Variants in GLDC observed in about 807,000 individuals in gnomAD.
The protein encoded by GLDC is glycine decarboxylase, also known as glycine dehydrogenase (decarboxylating), mitochondrial.
In GLDC, 104 loss-of-function variants were observed where a neutral mutation model predicts 121.3. The observed-to-expected ratio is 0.86, with a 90% CI of 0.73 to 1.01. GLDC has a LOEUF of 1.01. GLDC is among the 50% of genes least tolerant of loss of function. The pLI is 0.00. For missense variants in GLDC, 1,429 were observed against 1,306.6 expected (o/e 1.09, Z -1.44); for synonymous variants, 546 against 480.6 (o/e 1.14, Z -1.78).
intron 21 of GLDC, among the ~76,000 whole-genome samples, chr9:6,550,065 C>T (rs1028508256): frequency 6.6e-6 from 1 of 152,170 alleles, no homozygotes; most frequent in South Asian, 2.1e-4. Context: ...TGTGTCTCTG[C>T]TTACTCAGGC....
At chr9:6,618,216 T>C (rs1184408258) in intron 3 of GLDC, among the ~76,000 whole-genome samples, 1 of 152,188 alleles carries the variant, frequency 6.6e-6, no homozygotes, top group Non-Finnish European at 1.5e-5. Flanking sequence ...AAATTTCAAC[T>C]CAGTGTTTCT....
At chr9:6,553,263 C>A in intron 20 of GLDC, 105 bp downstream of exon 20, 1 of 1,007,692 alleles carries the variant, frequency 9.9e-7, no homozygotes, top group Non-Finnish European at 1.5e-6. Context: ...CATCTCAGAT[C>A]ATGAATTTAT....
At chr9:6,549,071 G>C (rs1817455737) in intron 21 of GLDC, among the ~76,000 whole-genome samples, 2 of 152,174 alleles carry the variant, frequency 1.3e-5, no homozygotes, top group South Asian at 2.1e-4. Context: ...GCTACCAAAG[G>C]CTTCCTAATT....
At chr9:6,577,541 CTT>C (rs1475852432) in intron 15 of GLDC, among the ~76,000 whole-genome samples, 1 of 152,120 alleles carries the variant, frequency 6.6e-6, no homozygotes. Flanking sequence ...ATAAAAATAT[CTT>C]TTTTGAATTG....
Position 6,553,360 on chromosome 9 carries a change from GGC to G in GLDC, c.2457+6_2457+7del. On this transcript the variant is annotated splice_donor_region_variant and intron_variant, in intron 20 of 24. Coordinates refer to ENST00000321612, the MANE Select transcript of GLDC (RefSeq NM_000170.3). Reference sequence around the variant, plus strand: ...ACCTGCACACCTGCACATACTCCCAGGCCTCACCTTGATATAAGCCCAGGAAA... The same window carrying G: ...ACCTGCACACCTGCACATACTCCCAGCTCACCTTGATATAAGCCCAGGAAA... The G allele has an allele frequency of 1.2e-6, 2 of 1,613,726 alleles. No individual in the cohort carries two copies. The highest frequency in any genetic ancestry group is 1.7e-6 in the Non-Finnish European group (2 of 1,179,810).
At chr9:6,622,319 C>T (rs1186498767) in intron 2 of GLDC, among the ~76,000 whole-genome samples, 1 of 150,616 alleles carries the variant, frequency 6.6e-6, no homozygotes, top group Non-Finnish European at 1.5e-5. Flanking sequence ...CTGCTGCCAT[C>T]TTGGCTCACT....
At chr9:6,627,617 G>A (rs1002473644) in intron 2 of GLDC, among the ~76,000 whole-genome samples, 2 of 152,030 alleles carry the variant, frequency 1.3e-5, no homozygotes, top group Non-Finnish European at 2.9e-5. Flanking sequence ...GGACATTTTC[G>A]AGCCATTAAG....
intron 15 of GLDC, among the ~76,000 whole-genome samples, chr9:6,576,781 C>CA (rs748864034): frequency 3.4e-4 from 52 of 152,180 alleles, no homozygotes; most frequent in Non-Finnish European, 5.9e-4. Context: ...GTTAGGATTT[C>CA]AACAGGTGAA....
chr9:6,565,963 CG>C, intron 15 of GLDC: 1 of 196,158 alleles, frequency 5.1e-6, no homozygotes, highest in Non-Finnish European at 1.1e-5. Context: ...AACTACAGGC[CG>C]GGTGCAATGG....
chr9:6,613,588 A>T, intron 3 of GLDC, among the ~76,000 whole-genome samples: 1 of 152,260 alleles, frequency 6.6e-6, no homozygotes, highest in Non-Finnish European at 1.5e-5. Context: ...GGTATTAAAT[A>T]ACTTATGAAA....
chr9:6,588,493 A>G (rs1270143234), intron 13 of GLDC, 51 bp from the exon 14 acceptor site: 2 of 1,516,602 alleles, frequency 1.3e-6, no homozygotes, highest in Admixed American at 1.7e-5. Flanking sequence ...TCTATAGTCC[A>G]TCAATCAACC....
At chr9:6,605,060 G>C in intron 6 of GLDC, 71 bp downstream of exon 6, 1 of 1,368,460 alleles carries the variant, frequency 7.3e-7, no homozygotes, top group Non-Finnish European at 1.0e-6. Flanking sequence ...AAAAGACAGA[G>C]AGAGAGATAG....
chr9:6,555,880 C>A (rs1329929918), intron 18 of GLDC, among the ~76,000 whole-genome samples: 1 of 152,142 alleles, frequency 6.6e-6, no homozygotes, highest in Non-Finnish European at 1.5e-5. Flanking sequence ...GCAGGGGCTC[C>A]CAACAGCATT....
chr9:6,589,347 G>A, intron 11 of GLDC, 55 bp from the exon 12 acceptor site: 2 of 1,046,746 alleles, frequency 1.9e-6, no homozygotes, highest in South Asian at 1.3e-5. Context: ...AGCCACATGT[G>A]GACATCCAGG....
chr9:6,644,587 T>C, intron 2 of GLDC, 27 bp downstream of exon 2: 2 of 1,509,270 alleles, frequency 1.3e-6, no homozygotes, highest in Non-Finnish European at 1.8e-6. Context: ...ATAATCTAAG[T>C]CCAAGGGAGC....
At chr9:6,555,773 C>G (rs749739613) in intron 18 of GLDC, among the ~76,000 whole-genome samples, 11 of 151,990 alleles carry the variant, frequency 7.2e-5, no homozygotes, top group Non-Finnish European at 1.0e-4. Flanking sequence ...GCCTTGGCGA[C>G]AGAGTGAGAC....
intron 20 of GLDC, among the ~76,000 whole-genome samples, chr9:6,552,069 G>A (rs1346189470): frequency 6.6e-6 from 1 of 152,180 alleles, no homozygotes; most frequent in Non-Finnish European, 1.5e-5. Context: ...AGGAAGCCAC[G>A]AGAGATACGT....
rs190114231 is a variant in GLDC at position 6,624,459 on chromosome 9, C to T, written c.335-4140G>A. Among the ~76,000 whole-genome samples, 10 of 152,244 alleles carry T rather than the reference C, an allele frequency of 6.6e-5. No individual in the cohort carries two copies. The South Asian group carries it at 2.1e-3, about 32-fold the overall frequency. On this transcript the variant is annotated intron_variant, in intron 2 of 24. Coordinates refer to ENST00000321612, the MANE Select transcript of GLDC (RefSeq NM_000170.3). ...AGCAATGTATCCACAGGCCAAGGAACCTGGGAGAGAGGCAGGGAACTGATT... is the reference window on the plus strand; with the variant it reads ...AGCAATGTATCCACAGGCCAAGGAATCTGGGAGAGAGGCAGGGAACTGATT...
chr9:6,556,033 G>A (rs1308863825), intron 18 of GLDC, 120 bp downstream of exon 18: 2 of 735,558 alleles, frequency 2.7e-6, no homozygotes, highest in African/African-American at 3.5e-5. Flanking sequence ...ACCACCAGTG[G>A]TCAGGTCGTG....
Sources: gnomAD v4.1 joint callset for allele counts (sites outside exome capture counted in the v4.1 genomes callset) on GRCh38, gnomAD v4.1.1 for gene constraint, MANE v1.5 for transcripts, NCBI Gene and HGNC (gene_info 2026-07-23, HGNC 2026-07-21) for gene names.